Variants in HS3ST4 observed in about 807,000 individuals in gnomAD.
HS3ST4 encodes heparan sulfate-glucosamine 3-sulfotransferase 4.
HS3ST4 carries 17 observed loss-of-function variants against 29.2 expected under a neutral mutation model. The observed-to-expected ratio is 0.58, with a 90% CI of 0.40 to 0.87. The LOEUF is 0.87. HS3ST4 is among the 40% of genes least tolerant of loss of function. The probability of loss-of-function intolerance (pLI) is 0.00; values close to 1 mark genes in which losing one functional copy is unlikely to be tolerated. For synonymous variants in HS3ST4, 314 were observed against 285.7 expected, an observed-to-expected ratio of 1.10 and a Z score of -1.00; for missense variants, 627 against 634.5, an observed-to-expected ratio of 0.99 and a Z score of 0.13.
chr16:26,011,521 C>A (rs185927504), intron 1 of HS3ST4, among the ~76,000 whole-genome samples: 2 of 152,248 alleles, frequency 1.3e-5, no homozygotes, highest in East Asian at 3.9e-4. Context: ...GATCGTGCCA[C>A]TGCATGCCAG....
In HS3ST4 at chr16:26,052,427, G is replaced by A. The variant is rs1898358498; in HGVS notation, c.735-83185G>A. Among the ~76,000 whole-genome samples, 4 of 152,166 alleles carry A rather than the reference G, an allele frequency of 2.6e-5. 1 individual carries two copies. The highest frequency in any genetic ancestry group is 5.9e-5 in the Non-Finnish European group (4 of 68,032). ...ATTCTGTCACCCAGGCTGGAGTGCAGTGCCACAATTTCGGCTCAATGCAAC... is the reference window on the plus strand; with the variant it reads ...ATTCTGTCACCCAGGCTGGAGTGCAATGCCACAATTTCGGCTCAATGCAAC... On this transcript the variant is annotated intron_variant, in intron 1 of 1. Transcript: ENST00000331351.
intron 1 of HS3ST4, among the ~76,000 whole-genome samples, chr16:25,706,598 G>C (rs1966377932): frequency 1.3e-5 from 2 of 151,930 alleles, no homozygotes; most frequent in Admixed American, 1.3e-4. Flanking sequence ...TGTTCTCACT[G>C]TTCGGCTCCC....
chr16:25,741,246 G>GTAC (rs1966649605), intron 1 of HS3ST4, among the ~76,000 whole-genome samples: 1 of 151,274 alleles, frequency 6.6e-6, no homozygotes, highest in Non-Finnish European at 1.5e-5. Flanking sequence ...TTTAAATGAT[G>GTAC]TACTCCTCAG....
intron 1 of HS3ST4, among the ~76,000 whole-genome samples, chr16:25,848,138 CT>C (rs539703557): frequency 4.3e-3 from 639 of 147,802 alleles, no homozygotes; most frequent in Non-Finnish European, 6.4e-3. Flanking sequence ...TATTTGCTAA[CT>C]TTTTTTTTTT....
At chr16:26,007,119 C>G (rs1334610540) in intron 1 of HS3ST4, among the ~76,000 whole-genome samples, 3 of 152,234 alleles carry the variant, frequency 2.0e-5, no homozygotes, top group Non-Finnish European at 4.4e-5. Flanking sequence ...TTCTCTTGAA[C>G]TATCGGAAGA....
At chr16:25,921,640 G>A (rs1444380881) in intron 1 of HS3ST4, among the ~76,000 whole-genome samples, 2 of 152,164 alleles carry the variant, frequency 1.3e-5, no homozygotes, top group Admixed American at 1.3e-4. Context: ...TCATCAGCAG[G>A]AAAACTTTTT....
chr16:26,024,429 T>G (rs1479666737), intron 1 of HS3ST4, among the ~76,000 whole-genome samples: 2 of 152,098 alleles, frequency 1.3e-5, no homozygotes, highest in East Asian at 3.9e-4. Context: ...CCACTTCATT[T>G]GCTTTTAAAA....
chr16:25,896,708 C>T (rs1259072630), intron 1 of HS3ST4, among the ~76,000 whole-genome samples: 6 of 152,064 alleles, frequency 3.9e-5, no homozygotes, highest in Non-Finnish European at 7.4e-5. Context: ...TTCATTGCAG[C>T]GCTACTCACA....
intron 1 of HS3ST4, chr16:25,826,197 C>A (rs982946213): frequency 1.3e-5 from 2 of 152,294 alleles, no homozygotes; most frequent in Middle Eastern, 3.4e-3. Flanking sequence ...GTAGAAATGG[C>A]CTTTTTTCTG....
At chr16:25,708,006 A>T (rs1966387675) in intron 1 of HS3ST4, among the ~76,000 whole-genome samples, 1 of 152,120 alleles carries the variant, frequency 6.6e-6, no homozygotes, top group South Asian at 2.1e-4. Flanking sequence ...TAGTTACTCC[A>T]CACCCACCCA....
intron 1 of HS3ST4, among the ~76,000 whole-genome samples, chr16:25,981,631 G>A (rs1378073617): frequency 4.9e-5 from 6 of 122,328 alleles, no homozygotes; most frequent in Non-Finnish European, 1.0e-4. Context: ...TTTTTTAGAC[G>A]GAATCTAGCT....
intron 1 of HS3ST4, among the ~76,000 whole-genome samples, chr16:25,846,257 G>A (rs1409643827): frequency 6.6e-6 from 1 of 152,232 alleles, no homozygotes; most frequent in Non-Finnish European, 1.5e-5. Flanking sequence ...ATAAATTGGT[G>A]AGGAGTTTTG....
intron 1 of HS3ST4, among the ~76,000 whole-genome samples, chr16:25,769,267 AGT>A (rs1364969991): frequency 1.3e-5 from 2 of 151,918 alleles, no homozygotes; most frequent in Non-Finnish European, 1.5e-5. Flanking sequence ...TGGGTGGCTC[AGT>A]GTGTGTCTGT....
intron 1 of HS3ST4, among the ~76,000 whole-genome samples, chr16:25,745,099 A>G (rs986220613): frequency 4.6e-5 from 7 of 152,144 alleles, no homozygotes; most frequent in African/African-American, 1.7e-4. Context: ...GGACTTAGTC[A>G]TATTGGCCAG....
At chr16:25,723,980 G>A (rs536239893) in intron 1 of HS3ST4, among the ~76,000 whole-genome samples, 29 of 152,086 alleles carry the variant, frequency 1.9e-4, no homozygotes, top group Admixed American at 3.3e-4. Context: ...TGGGTGTGTC[G>A]GCGGGTGCCT....
intron 1 of HS3ST4, among the ~76,000 whole-genome samples, chr16:25,964,423 CCCT>C (rs1968823751): frequency 6.6e-6 from 1 of 152,064 alleles, no homozygotes. Context: ...ATGTCCCAAA[CCCT>C]CTCATCATGA....
At position 26,137,368 on chromosome 16, in the gene HS3ST4, CAG is replaced by C. The variant is rs2141818976; in HGVS notation, c.*1125_*1126del. 6.6e-6 allele frequency: 1 copy of C among 152,252 alleles called. No homozygotes were observed. The highest frequency in any genetic ancestry group is 2.4e-5 in the African/African-American group (1 of 41,546). The allele number at this position is 152,252 out of a possible 1,614,324, so 9.4% of individuals were successfully genotyped here. ...CTTCATTTTCTCTATTTAGAGATGGCAGAGAGTGAGGTAGTGGCGAGAAAGCT... is the reference window on the plus strand; with the variant it reads ...CTTCATTTTCTCTATTTAGAGATGGCAGAGTGAGGTAGTGGCGAGAAAGCT... On this transcript the variant is annotated 3_prime_UTR_variant, in exon 2 of 2. Coordinates refer to ENST00000331351, the MANE Select transcript of HS3ST4 (RefSeq NM_006040.3).
intron 1 of HS3ST4, among the ~76,000 whole-genome samples, chr16:26,068,802 C>T (rs1481285342): frequency 6.6e-6 from 1 of 151,268 alleles, no homozygotes; most frequent in South Asian, 2.1e-4. Context: ...AAGCCAAATG[C>T]CTTTTAATAT....
At chr16:25,821,017 A>G (rs917915924) in intron 1 of HS3ST4, among the ~76,000 whole-genome samples, 6 of 151,708 alleles carry the variant, frequency 4.0e-5, no homozygotes, top group African/African-American at 1.5e-4. Context: ...ATCAATATGT[A>G]GATTTACCAG....
Sources: allele counts gnomAD v4.1 joint callset (sites outside exome capture counted in the v4.1 genomes callset), GRCh38; gene constraint gnomAD v4.1.1; transcripts MANE v1.5; gene names NCBI Gene and HGNC (gene_info 2026-07-23, HGNC 2026-07-21).